The following RASGRP1 variants were observed in gnomAD, a reference collection of about 807,000 sequenced individuals.
RASGRP1 encodes the protein RAS guanyl-releasing protein 1.
A neutral mutation model predicts 95.1 loss-of-function variants in RASGRP1; 37 were observed. The observed-to-expected ratio is 0.39, with a 90% CI of 0.30 to 0.51. RASGRP1 has a LOEUF of 0.51. RASGRP1 is among the 20% of genes least tolerant of loss of function. The probability of loss-of-function intolerance (pLI) is 0.80; values close to 1 mark genes in which losing one functional copy is unlikely to be tolerated. For synonymous variants in RASGRP1, 325 were observed against 353.4 expected (o/e 0.92, Z 0.90); for missense variants, 711 against 965.4 (o/e 0.74, Z 3.49).
chr15:38,546,786 C>T (rs1000434395), intron 2 of RASGRP1, among the ~76,000 whole-genome samples: 1 of 152,164 alleles, frequency 6.6e-6, no homozygotes, highest in African/African-American at 2.4e-5. Context: ...GGGGAAGACA[C>T]ACGACACTAC....
chr15:38,498,813 TC>T lies in RASGRP1; in HGVS notation c.1853del (p.Gly618GlufsTer35). 1 of 1,613,580 alleles carries T rather than the reference TC, an allele frequency of 6.2e-7. No homozygotes were observed. The highest frequency in any genetic ancestry group is 8.5e-7 in the Non-Finnish European group (1 of 1,179,838). ...VGPVSNLCSL[G>X]AKDLLHAPEE... ...ACTTACCATGGAGCAGATCTTTGGC[TC>T]CCAATGAGCAAAGGTTGGACACTGG... On this transcript the variant is annotated frameshift_variant, in exon 15 of 17. Transcript: ENST00000310803. LOFTEE classifies it high-confidence loss of function.
chr15:38,537,464 C>T (rs79560199), intron 2 of RASGRP1, among the ~76,000 whole-genome samples: 2,183 of 152,166 alleles, frequency 0.014, 52 homozygotes, highest in African/African-American at 0.049. Flanking sequence ...CAGTTTGATT[C>T]TTTGATGAGC....
At chr15:38,554,445 T>C (rs1004718665) in intron 2 of RASGRP1, among the ~76,000 whole-genome samples, 1 of 152,246 alleles carries the variant, frequency 6.6e-6, no homozygotes, top group Non-Finnish European at 1.5e-5. Flanking sequence ...TGAATTGAAC[T>C]GCTCAGAATT....
intron 3 of RASGRP1, among the ~76,000 whole-genome samples, chr15:38,525,000 C>A (rs1181083223): frequency 1.3e-5 from 2 of 149,092 alleles, no homozygotes; most frequent in Non-Finnish European, 3.0e-5. Context: ...CAGAGTCTCA[C>A]TTCATTGCCC....
intron 11 of RASGRP1, 44 bp downstream of exon 11, chr15:38,503,228 C>T (rs1891109196): frequency 1.4e-6 from 2 of 1,480,212 alleles, no homozygotes; most frequent in Non-Finnish European, 1.9e-6. Context: ...AAAACTGAGC[C>T]AGGCAATGCC....
At chr15:38,543,674 G>T (rs1251967371) in intron 2 of RASGRP1, among the ~76,000 whole-genome samples, 2 of 122,848 alleles carry the variant, frequency 1.6e-5, no homozygotes, top group African/African-American at 3.2e-5. Context: ...ATCCACTATA[G>T]TATTAAGCCC....
chr15:38,500,758 G>A (rs571083184), intron 13 of RASGRP1, among the ~76,000 whole-genome samples: 16 of 152,260 alleles, frequency 1.1e-4, no homozygotes, highest in Admixed American at 7.8e-4. Context: ...ATCAGGACCC[G>A]AGTTTAGGGG....
chr15:38,524,352 C>T (rs1264153296), intron 3 of RASGRP1: 2 of 152,234 alleles, frequency 1.3e-5, no homozygotes, highest in Admixed American at 6.5e-5. Flanking sequence ...AGAAAGGAAG[C>T]TGAGTAAGAG....
intron 2 of RASGRP1, among the ~76,000 whole-genome samples, chr15:38,529,465 C>T (rs1344857025): frequency 6.6e-6 from 1 of 152,156 alleles, no homozygotes; most frequent in African/African-American, 2.4e-5. Context: ...GTCTTTCTTC[C>T]CTTGAATTAC....
intron 13 of RASGRP1, 74 bp downstream of exon 13, chr15:38,501,069 A>T: frequency 6.9e-7 from 1 of 1,452,238 alleles, no homozygotes; most frequent in Non-Finnish European, 9.3e-7. Flanking sequence ...AAGGATTGTG[A>T]GGTCTGTGCC....
intron 1 of RASGRP1, among the ~76,000 whole-genome samples, chr15:38,561,555 T>C (rs1468362322): frequency 6.6e-6 from 1 of 152,226 alleles, no homozygotes; most frequent in Non-Finnish European, 1.5e-5. Context: ...GCTAGGCACA[T>C]GTGGGTTTTG....
At chr15:38,499,806 C>T (rs901253940) in intron 14 of RASGRP1, among the ~76,000 whole-genome samples, 6 of 152,148 alleles carry the variant, frequency 3.9e-5, no homozygotes, top group African/African-American at 1.4e-4. Context: ...ATCCTGGGGG[C>T]GGTTACCCTC....
intron 2 of RASGRP1, among the ~76,000 whole-genome samples, chr15:38,549,988 T>G (rs1176572723): frequency 6.6e-6 from 1 of 152,058 alleles, no homozygotes; most frequent in Non-Finnish European, 1.5e-5. Flanking sequence ...CTGGGCACAG[T>G]GGCTCATGCC....
rs1891903854 is a variant in RASGRP1 at position 38,519,243 on chromosome 15, G to T, written c.389+66C>A. 5.9e-6 allele frequency: 8 copies of T among 1,366,470 alleles called. No individual in the cohort carries two copies. The Admixed American group carries it at 1.2e-4, about 21-fold the overall frequency. The allele number at this position is 1,366,470 out of a possible 1,614,324, so 84.6% of individuals were successfully genotyped here. On this transcript the variant is annotated intron_variant, in intron 4 of 16. Coordinates refer to ENST00000310803, the MANE Select transcript of RASGRP1 (RefSeq NM_005739.4). ...ATAGAGGTCAGGAAAGGCAGGGAAA[G>T]TCCCTTGCTTCACCTTTCATTTCAC...
At position 38,498,784 on chromosome 15, in the gene RASGRP1, G is replaced by A. The variant is rs1229975681; in HGVS notation, c.1873+10C>T. On this transcript the variant is annotated intron_variant, in intron 15 of 16. Transcript: ENST00000310803. Reference sequence around the variant, plus strand: ...ACTTTCCAAGATGAATGTTCCCAGTGCCTACTTACCATGGAGCAGATCTTT... The same window carrying A: ...ACTTTCCAAGATGAATGTTCCCAGTACCTACTTACCATGGAGCAGATCTTT... The A allele has an allele frequency of 6.2e-7, 1 of 1,610,670 alleles. No homozygotes were observed. The highest frequency in any genetic ancestry group is 1.1e-5 in the South Asian group (1 of 90,874).
At chr15:38,501,511 T>G (rs942461648) in intron 12 of RASGRP1, 18 of 678,220 alleles carry the variant, frequency 2.7e-5, no homozygotes, top group African/African-American at 2.6e-4. Flanking sequence ...AGAGGTGTTC[T>G]TTGGCCAAAC....
intron 10 of RASGRP1, chr15:38,504,825 T>TA (rs1253781787): frequency 6.6e-6 from 1 of 152,214 alleles, no homozygotes; most frequent in African/African-American, 2.4e-5. Context: ...GCTACAATGT[T>TA]ACAATTGTTC....
intron 14 of RASGRP1, 153 bp from the exon 15 acceptor site, chr15:38,499,099 T>C (rs770959151): frequency 1.9e-6 from 2 of 1,062,216 alleles, no homozygotes; most frequent in African/African-American, 3.1e-5. Context: ...AAGCTAGCAT[T>C]CTTCTCACTT....
In RASGRP1 at chr15:38,559,041, C is replaced by G. The variant is rs531938229; in HGVS notation, c.220+780G>C. On this transcript the variant is annotated intron_variant, in intron 2 of 16. Transcript: ENST00000310803. The stretch of plus-strand genomic sequence containing the variant: ...AGGGGTCCACAGGAGGAACAGGAAG[C>G]TGGAAATCTTTGAATTCAATGATTT... Among the ~76,000 whole-genome samples, 15 of 152,234 alleles carry G rather than the reference C, an allele frequency of 9.9e-5. No individual in the cohort carries two copies. In the South Asian group the frequency reaches 1.2e-3, roughly 13 times the overall value.
Sources: allele counts gnomAD v4.1 joint callset (sites outside exome capture counted in the v4.1 genomes callset), GRCh38; gene constraint gnomAD v4.1.1; transcripts MANE v1.5; gene names NCBI Gene and HGNC (gene_info 2026-07-23, HGNC 2026-07-21).